The following MAPKAP1 variants were observed in gnomAD, a reference collection of about 807,000 sequenced individuals.
The protein encoded by MAPKAP1 is target of rapamycin complex 2 subunit MAPKAP1.
Under a neutral mutation model 65.7 loss-of-function variants are expected in MAPKAP1, and 20 were observed. The observed-to-expected ratio is 0.30, with a 90% confidence interval of 0.21 to 0.44. MAPKAP1 has a LOEUF of 0.44. Ranked by LOEUF, MAPKAP1 falls within the 20% of genes least tolerant of loss-of-function variation. The probability of loss-of-function intolerance (pLI) is 1.00; values close to 1 mark genes in which losing one functional copy is unlikely to be tolerated. For missense variants in MAPKAP1, 423 were observed against 648.0 expected (o/e 0.65, Z 3.77); for synonymous variants, 222 against 244.3 (o/e 0.91, Z 0.85).
chr9:125,698,288 A>ATATATAT (rs1554845629), intron 1 of MAPKAP1, among the ~76,000 whole-genome samples: 2 of 49,070 alleles, frequency 4.1e-5, no homozygotes, highest in African/African-American at 2.2e-4. Context: ...AATATATATA[A>ATATATAT]ATATATATAT....
intron 4 of MAPKAP1, among the ~76,000 whole-genome samples, chr9:125,654,572 A>G (rs1833979991): frequency 6.6e-6 from 1 of 152,254 alleles, no homozygotes; most frequent in Admixed American, 6.5e-5. Flanking sequence ...GCCTAAGTAC[A>G]GCCTTTCCCT....
chr9:125,569,050 A>G (rs903474217), intron 5 of MAPKAP1, among the ~76,000 whole-genome samples: 10 of 152,218 alleles, frequency 6.6e-5, no homozygotes, highest in African/African-American at 2.4e-4. Context: ...TTCAGGGTAA[A>G]ACACGGGCTT....
intron 9 of MAPKAP1, among the ~76,000 whole-genome samples, chr9:125,476,393 C>T (rs1047390662): frequency 7.2e-5 from 11 of 152,076 alleles, no homozygotes; most frequent in South Asian, 2.1e-4. Flanking sequence ...TTAAATGTGA[C>T]GCACGCCTCC....
At chr9:125,607,601 A>G (rs977778045) in intron 4 of MAPKAP1, among the ~76,000 whole-genome samples, 6 of 152,202 alleles carry the variant, frequency 3.9e-5, no homozygotes, top group African/African-American at 1.4e-4. Context: ...CTTACTCATC[A>G]CTTAAAATTG....
intron 4 of MAPKAP1, among the ~76,000 whole-genome samples, chr9:125,625,938 T>C (rs1408435003): frequency 1.3e-5 from 2 of 152,246 alleles, no homozygotes; most frequent in Non-Finnish European, 2.9e-5. Context: ...GATTGTCCAA[T>C]TATATGGCAA....
intron 4 of MAPKAP1, among the ~76,000 whole-genome samples, chr9:125,639,642 G>A (rs895917350): frequency 6.6e-6 from 1 of 152,168 alleles, no homozygotes; most frequent in Admixed American, 6.5e-5. Flanking sequence ...CTAAAGAGAC[G>A]ATTGTTGTGG....
chr9:125,469,411 A>G (rs1468032639), intron 9 of MAPKAP1, among the ~76,000 whole-genome samples: 1 of 152,250 alleles, frequency 6.6e-6, no homozygotes, highest in Non-Finnish European at 1.5e-5. Flanking sequence ...TTTAAAATTA[A>G]AAAAACAAAT....
intron 10 of MAPKAP1, among the ~76,000 whole-genome samples, chr9:125,449,543 C>A (rs1247773607): frequency 6.6e-6 from 1 of 152,130 alleles, no homozygotes; most frequent in East Asian, 1.9e-4. Flanking sequence ...TACCTCCACT[C>A]GTGAGTACTG....
intron 10 of MAPKAP1, among the ~76,000 whole-genome samples, chr9:125,458,780 C>A (rs958272814): frequency 1.4e-5 from 2 of 147,528 alleles, no homozygotes; most frequent in African/African-American, 5.0e-5. Context: ...TCTTCACATC[C>A]CAGAAGGGGC....
At chr9:125,685,132 T>C (rs1167105039) in intron 1 of MAPKAP1, among the ~76,000 whole-genome samples, 2 of 151,974 alleles carry the variant, frequency 1.3e-5, no homozygotes, top group African/African-American at 2.4e-5. Flanking sequence ...CTGTTCTAGA[T>C]GCAGAAAACA....
intron 4 of MAPKAP1, among the ~76,000 whole-genome samples, chr9:125,642,022 ACT>A (rs1833592636): frequency 6.6e-6 from 1 of 151,928 alleles, no homozygotes. Flanking sequence ...ACAGAGCTAG[ACT>A]CTGTCTCAAA....
chr9:125,699,637 ATTTTT>A (rs576223488), intron 1 of MAPKAP1, among the ~76,000 whole-genome samples: 1 of 136,452 alleles, frequency 7.3e-6, no homozygotes, highest in Non-Finnish European at 1.6e-5. Context: ...TTTGATTTTG[ATTTTT>A]TTTTTTTTTT....
intron 10 of MAPKAP1, among the ~76,000 whole-genome samples, chr9:125,460,022 G>A (rs1352623951): frequency 8.3e-6 from 1 of 120,508 alleles, no homozygotes; most frequent in East Asian, 2.1e-4. Context: ...AGGAGGCAAG[G>A]GAAAACAGAT....
chr9:125,494,598 C>G (rs539822162), intron 8 of MAPKAP1, among the ~76,000 whole-genome samples: 2 of 152,282 alleles, frequency 1.3e-5, no homozygotes, highest in African/African-American at 4.8e-5. Flanking sequence ...GGAAGCGGGG[C>G]CTACGAGGCT....
intron 4 of MAPKAP1, among the ~76,000 whole-genome samples, chr9:125,587,312 T>C (rs1831817138): frequency 6.6e-6 from 1 of 152,174 alleles, no homozygotes; most frequent in Admixed American, 6.5e-5. Flanking sequence ...ATGCCTGTAA[T>C]CCCAGTACTT....
At chr9:125,689,044 G>A (rs370361415) in intron 1 of MAPKAP1, among the ~76,000 whole-genome samples, 31 of 152,232 alleles carry the variant, frequency 2.0e-4, no homozygotes, top group Admixed American at 1.5e-3. Context: ...CATACTACAC[G>A]CTGAGGGTTA....
intron 10 of MAPKAP1, among the ~76,000 whole-genome samples, chr9:125,446,057 T>C (rs916174699): frequency 6.6e-6 from 1 of 152,212 alleles, no homozygotes; most frequent in Admixed American, 6.5e-5. Context: ...GTTGTCCTTT[T>C]AATTGAAGCA....
chr9:125,521,915 T>C lies in MAPKAP1; in HGVS notation c.959-15498A>G, dbSNP rs1829629821. On this transcript the variant is annotated intron_variant, in intron 7 of 11. Coordinates refer to ENST00000265960, the MANE Select transcript of MAPKAP1 (RefSeq NM_001006617.3). ...AGTCAGCAGACTCTGTTATGATATA[T>C]TGGAATCTGAAGACTTTCATTCAAA... The C allele has an allele frequency of 9.8e-6, 7 of 710,794 alleles. No homozygotes were observed. In the Admixed American group the frequency reaches 1.1e-4, roughly 11 times the overall value. 44.0% of individuals were successfully genotyped at this position (710,794 alleles called of 1,614,324 possible).
intron 4 of MAPKAP1, among the ~76,000 whole-genome samples, chr9:125,651,157 A>G (rs532713457): frequency 2.0e-4 from 31 of 152,320 alleles, no homozygotes; most frequent in African/African-American, 7.2e-4. Context: ...ATACCAGAAT[A>G]TGTAAATGGT....
Sources: allele counts gnomAD v4.1 joint callset (sites outside exome capture counted in the v4.1 genomes callset), GRCh38; gene constraint gnomAD v4.1.1; transcripts MANE v1.5; gene names NCBI Gene and HGNC (gene_info 2026-07-23, HGNC 2026-07-21).